SNX18: variants seen among roughly 807,000 people sequenced by gnomAD.
The protein encoded by SNX18 is sorting nexin-18.
A neutral mutation model predicts 48.7 loss-of-function variants in SNX18; 35 were observed. That is an observed-to-expected ratio of 0.72 (90% CI 0.55 to 0.95). SNX18 has a LOEUF of 0.95. Ranked by LOEUF, SNX18 falls within the 40% of genes least tolerant of loss-of-function variation. The probability of loss-of-function intolerance (pLI) is 0.00; values close to 1 mark genes in which losing one functional copy is unlikely to be tolerated. For synonymous variants in SNX18, 492 were observed against 384.7 expected, an observed-to-expected ratio of 1.28 and a Z score of -3.26; for missense variants, 824 against 871.0, an observed-to-expected ratio of 0.95 and a Z score of 0.68.
rs773470860 is a variant in SNX18, at chr5:54,518,078, C to A, written c.126C>A (p.Val42=). 3.2e-6 allele frequency: 5 copies of A among 1,538,752 alleles called. No homozygotes were observed. Among genetic ancestry groups the A allele is most frequent in the Admixed American group, 2.0e-5 (1 of 50,742 alleles). ...EQDIEGWLEG[V]NSRGDRGLFP... ...ACATCGAGGGCTGGCTCGAGGGGGT[C>A]AACAGCCGCGGCGACCGCGGCCTCT... The change falls in exon 1 of 2, where the codon GTC becomes GTA. Residue 42 remains valine (V), a synonymous_variant. Transcript: ENST00000381410.
chr5:54,630,829 CAAAA>C, the SNX18 span, among the ~76,000 whole-genome samples: 11 of 94,512 alleles, frequency 1.2e-4, no homozygotes, highest in African/African-American at 1.6e-4. Flanking sequence ...AAGACTCAGT[CAAAA>C]AAAAAAAAAA....
chr5:54,518,456 G>A lies in SNX18; in HGVS notation c.504G>A (p.Pro168=). 1 of 1,570,636 alleles carries A rather than the reference G, an allele frequency of 6.4e-7. No individual in the cohort carries two copies. Among genetic ancestry groups the A allele is most frequent in the Non-Finnish European group, 8.6e-7 (1 of 1,158,836 alleles). ...WDDSSTVADE[P]GALGSGAYPD... Reference sequence around the variant, plus strand: ...ACAGCTCCACGGTGGCGGACGAGCCGGGCGCTCTGGGCAGCGGAGCATACC... The same window carrying A: ...ACAGCTCCACGGTGGCGGACGAGCCAGGCGCTCTGGGCAGCGGAGCATACC... The change falls in exon 1 of 2, where the codon CCG becomes CCA. Residue 168 remains proline (P), a synonymous_variant. Coordinates refer to ENST00000381410, the MANE Select transcript of SNX18 (RefSeq NM_001102575.2).
chr5:54,559,306 C>T, the SNX18 span, among the ~76,000 whole-genome samples: 1 of 152,148 alleles, frequency 6.6e-6, no homozygotes, highest in Non-Finnish European at 1.5e-5. Flanking sequence ...AGGCATCATG[C>T]TACCCAACTT....
chr5:54,616,286 A>C, the SNX18 span, among the ~76,000 whole-genome samples: 1 of 152,310 alleles, frequency 6.6e-6, no homozygotes, highest in Admixed American at 6.5e-5. Context: ...CACATGACCT[A>C]TCTGGCTCGG....
intron 1 of SNX18, among the ~76,000 whole-genome samples, chr5:54,538,439 TA>T (rs66803109): frequency 0.13 from 19,497 of 152,140 alleles, 1,556 homozygotes; most frequent in Middle Eastern, 0.24. Flanking sequence ...AAAGATGTCA[TA>T]TTTTTTTTTC....
chr5:54,524,767 A>G (rs983141179), intron 1 of SNX18, among the ~76,000 whole-genome samples: 5 of 152,240 alleles, frequency 3.3e-5, no homozygotes, highest in African/African-American at 1.2e-4. Flanking sequence ...TATACAACAC[A>G]GACTAGAATC....
chr5:54,612,615 G>A, the SNX18 span, among the ~76,000 whole-genome samples: 2 of 152,102 alleles, frequency 1.3e-5, no homozygotes, highest in African/African-American at 4.8e-5. Flanking sequence ...TGGGGCTTAC[G>A]TTTGTCATAA....
At chr5:54,628,709 A>C in the SNX18 span, among the ~76,000 whole-genome samples, 1 of 151,822 alleles carries the variant, frequency 6.6e-6, no homozygotes, top group Non-Finnish European at 1.5e-5. Context: ...CAATCTTCCT[A>C]TCTCATCTCT....
chr5:54,536,746 G>C (rs969665414), intron 1 of SNX18, among the ~76,000 whole-genome samples: 3 of 152,196 alleles, frequency 2.0e-5, no homozygotes, highest in African/African-American at 4.8e-5. Flanking sequence ...TATATACCCA[G>C]TAATGGGATG....
At chr5:54,612,760 T>A in the SNX18 span, among the ~76,000 whole-genome samples, 1 of 152,050 alleles carries the variant, frequency 6.6e-6, no homozygotes, top group African/African-American at 2.4e-5. Flanking sequence ...TCCTAGCTGG[T>A]CTCTATTACA....
At chr5:54,541,805 A>G (rs529288412) in intron 1 of SNX18, among the ~76,000 whole-genome samples, 1 of 152,370 alleles carries the variant, frequency 6.6e-6, no homozygotes, top group South Asian at 2.1e-4. Flanking sequence ...TCTTTGAACT[A>G]TGCCAAAAAA....
In SNX18 at chr5:54,544,963, G is replaced by A. The variant is rs185698838; in HGVS notation, c.*1531G>A. The stretch of plus-strand genomic sequence containing the variant: ...GTGAAGAGGTCACTTTGAAATATTG[G>A]TGAGTCACAAAGATTAAAGAAAAGG... On this transcript the variant is annotated 3_prime_UTR_variant, in exon 2 of 2. Transcript: ENST00000381410. 1.7e-3 allele frequency: 257 copies of A among 152,246 alleles called. 2 individuals are homozygous for A. The highest frequency in any genetic ancestry group is 5.8e-3 in the African/African-American group (241 of 41,554). 9.4% of individuals were successfully genotyped at this position (152,246 alleles called of 1,614,324 possible). A position where few individuals can be genotyped will look rare whatever the true frequency, so the allele number is the denominator to read the frequency against.
chr5:54,539,392 C>T (rs891450204), intron 1 of SNX18, among the ~76,000 whole-genome samples: 2 of 152,166 alleles, frequency 1.3e-5, no homozygotes, highest in African/African-American at 4.8e-5. Flanking sequence ...ATGGAAAGTG[C>T]CTAGCATATG....
At chr5:54,592,371 C>CT in the SNX18 span, among the ~76,000 whole-genome samples, 4 of 152,322 alleles carry the variant, frequency 2.6e-5, 1 homozygote, top group Middle Eastern at 6.8e-3. Flanking sequence ...TAACTAACTC[C>CT]TAGCACTTGT....
the SNX18 span, among the ~76,000 whole-genome samples, chr5:54,579,878 A>G: frequency 6.6e-6 from 1 of 152,224 alleles, no homozygotes; most frequent in African/African-American, 2.4e-5. Context: ...CTTGAAAAAT[A>G]AACAATAGTT....
chr5:54,637,960 A>G, the SNX18 span, among the ~76,000 whole-genome samples: 10 of 151,956 alleles, frequency 6.6e-5, no homozygotes, highest in African/African-American at 2.4e-4. Flanking sequence ...GACTTCACCC[A>G]GCTTTCAAAC....
chr5:54,536,887 A>G (rs561913348), intron 1 of SNX18, among the ~76,000 whole-genome samples: 4 of 152,170 alleles, frequency 2.6e-5, no homozygotes, highest in Admixed American at 6.5e-5. Flanking sequence ...CCTCTCCAGC[A>G]CCTGTTGTTT....
intron 1 of SNX18, among the ~76,000 whole-genome samples, chr5:54,542,233 T>C (rs972079703): frequency 2.0e-5 from 3 of 152,242 alleles, no homozygotes; most frequent in Non-Finnish European, 2.9e-5. Flanking sequence ...TTTGTATGAC[T>C]GTGCTTTCGG....
intron 1 of SNX18, among the ~76,000 whole-genome samples, chr5:54,531,988 C>T (rs537786992): frequency 6.6e-6 from 1 of 152,312 alleles, no homozygotes; most frequent in Admixed American, 6.5e-5. Flanking sequence ...AACCACAGTG[C>T]ACTCAGATAG....
Sources: allele counts gnomAD v4.1 joint callset (sites outside exome capture counted in the v4.1 genomes callset), GRCh38; gene constraint gnomAD v4.1.1; transcripts MANE v1.5; gene names NCBI Gene and HGNC (gene_info 2026-07-23, HGNC 2026-07-21).